Variants in SLC12A2 observed in about 807,000 individuals in gnomAD.
SLC12A2 encodes the protein Na-K-2Cl cotransporter 1.
In SLC12A2, 67 loss-of-function variants were observed where a neutral mutation model predicts 136.3. The observed-to-expected ratio is 0.49, with a 90% CI of 0.40 to 0.60. SLC12A2 has a LOEUF of 0.60. Among genes scored for constraint, SLC12A2 ranks in the 20% least tolerant of loss-of-function variants. SLC12A2 has a pLI of 0.00. For missense variants in SLC12A2, 1,322 were observed against 1,534.7 expected (o/e 0.86, Z 2.32); for synonymous variants, 619 against 562.9 (o/e 1.10, Z -1.41).
At chr5:128,160,834 GGTGTGTGTTTGTGTGTGTGTGT>G (rs886628283) in intron 16 of SLC12A2, among the ~76,000 whole-genome samples, 1 of 149,786 alleles carries the variant, frequency 6.7e-6, no homozygotes. Context: ...AAAGTCAAGG[GGTGTGTGTTTGTGTGTGTGTGT>G]GTGTGTGTGT....
chr5:128,097,236 G>C (rs1760578961), intron 1 of SLC12A2, among the ~76,000 whole-genome samples: 1 of 152,022 alleles, frequency 6.6e-6, no homozygotes, highest in African/African-American at 2.4e-5. Flanking sequence ...AAATAGGGAA[G>C]GTAACTTAAA....
At chr5:128,120,670 G>A (rs1004305317) in intron 4 of SLC12A2, among the ~76,000 whole-genome samples, 1 of 151,984 alleles carries the variant, frequency 6.6e-6, no homozygotes, top group East Asian at 1.9e-4. Context: ...GAGAACACAT[G>A]GACACAGGAA....
rs530877510 is a variant in SLC12A2, at chr5:128,134,340, A to G, written c.1299+65A>G. On this transcript the variant is annotated intron_variant, in intron 6 of 26. Transcript: ENST00000262461. ...AAACTTTTAGAGCTTATGTTTTGGG[A>G]ACACTCTGAAGTATGGTAATATTTC... 7.3e-4 allele frequency: 630 copies of G among 865,334 alleles called. 2 individuals carry two copies. The highest frequency in any genetic ancestry group is 1.0e-3 in the Non-Finnish European group (530 of 510,272). The allele number at this position is 865,334 out of a possible 1,614,324, so 53.6% of individuals were successfully genotyped here.
At chr5:128,179,964 T>C (rs1289587014) in intron 22 of SLC12A2, among the ~76,000 whole-genome samples, 1 of 104,974 alleles carries the variant, frequency 9.5e-6, no homozygotes, top group Non-Finnish European at 2.0e-5. Flanking sequence ...TTTTTTTTTT[T>C]TTTTTTTTTT....
chr5:128,100,063 C>A (rs1760692136), intron 1 of SLC12A2, among the ~76,000 whole-genome samples: 2 of 152,040 alleles, frequency 1.3e-5, no homozygotes, highest in African/African-American at 4.8e-5. Context: ...ATATTACTGT[C>A]AGCTTAGTAG....
intron 4 of SLC12A2, among the ~76,000 whole-genome samples, chr5:128,117,765 T>C (rs1463385597): frequency 6.6e-6 from 1 of 152,074 alleles, no homozygotes; most frequent in Non-Finnish European, 1.5e-5. Context: ...AAAGAAATAA[T>C]CAGCCAGAGT....
chr5:128,167,543 GTTTTAT>G (rs1763240860), intron 17 of SLC12A2, among the ~76,000 whole-genome samples: 1 of 151,878 alleles, frequency 6.6e-6, no homozygotes, highest in African/African-American at 2.4e-5. Context: ...TTTTTCAAGT[GTTTTAT>G]TTTTAAATTA....
chr5:128,177,908 C>G (rs576388901), intron 21 of SLC12A2, among the ~76,000 whole-genome samples: 1 of 152,276 alleles, frequency 6.6e-6, no homozygotes, highest in East Asian at 1.9e-4. Flanking sequence ...CTCAGACCTG[C>G]AGCAGATGGG....
chr5:128,169,382 G>C (rs1280462406), intron 18 of SLC12A2: 2 of 152,012 alleles, frequency 1.3e-5, no homozygotes, highest in Non-Finnish European at 2.9e-5. Flanking sequence ...ACATATATTT[G>C]CCTGTCTCAC....
At chr5:128,097,535 C>T (rs1760588877) in intron 1 of SLC12A2, among the ~76,000 whole-genome samples, 1 of 151,870 alleles carries the variant, frequency 6.6e-6, no homozygotes, top group Admixed American at 6.6e-5. Context: ...ATTATTCTTT[C>T]CTGCCATTTT....
At position 128,151,223 on chromosome 5, in the gene SLC12A2, T is replaced by C. The variant is rs778908705; in HGVS notation, c.2108-18T>C. 6.3e-7 allele frequency: 1 copy of C among 1,593,974 alleles called. No individual in the cohort carries two copies. The highest frequency in any genetic ancestry group is 8.5e-7 in the Non-Finnish European group (1 of 1,170,988). Reference sequence around the variant, plus strand: ...AGATGAGGTATTTGTGTGACTTTTATTTATTTGTTATTGTTAGGATGGCGT... The same window carrying C: ...AGATGAGGTATTTGTGTGACTTTTACTTATTTGTTATTGTTAGGATGGCGT... On this transcript the variant is annotated intron_variant, in intron 13 of 26. Transcript: ENST00000262461.
chr5:128,092,599 C>T (rs1019678399), intron 1 of SLC12A2, among the ~76,000 whole-genome samples: 1 of 152,118 alleles, frequency 6.6e-6, no homozygotes, highest in African/African-American at 2.4e-5. Flanking sequence ...GTGTCTAAAA[C>T]ATTCATTGCA....
chr5:128,094,248 T>G (rs1191287084), intron 1 of SLC12A2, among the ~76,000 whole-genome samples: 1 of 150,692 alleles, frequency 6.6e-6, no homozygotes, highest in Non-Finnish European at 1.5e-5. Context: ...CCTGACACAG[T>G]AGACCCTCAA....
chr5:128,086,363 T>TGTTA (rs368958775), intron 1 of SLC12A2, among the ~76,000 whole-genome samples: 86 of 152,346 alleles, frequency 5.6e-4, no homozygotes, highest in African/African-American at 2.0e-3. Flanking sequence ...ACACCTGTAC[T>TGTTA]GTTAGTTGTA....
chr5:128,088,396 G>A (rs181937612), intron 1 of SLC12A2, among the ~76,000 whole-genome samples: 51 of 152,204 alleles, frequency 3.4e-4, no homozygotes, highest in Middle Eastern at 3.4e-3. Flanking sequence ...GGCCCTACAA[G>A]AAGAAATAAA....
intron 1 of SLC12A2, among the ~76,000 whole-genome samples, chr5:128,093,422 T>C (rs1284068861): frequency 6.6e-6 from 1 of 152,170 alleles, no homozygotes; most frequent in Non-Finnish European, 1.5e-5. Context: ...CTCTGAGTTC[T>C]GGGTATCCAA....
At position 128,133,718 on chromosome 5, in the gene SLC12A2, G is replaced by T. The variant is rs40816; in HGVS notation, c.1189-447G>T. Among the ~76,000 whole-genome samples, 258 of 152,142 alleles carry T rather than the reference G, an allele frequency of 1.7e-3. 5 individuals are homozygous for T. The East Asian group carries it at 0.04, about 24-fold the overall frequency. On this transcript the variant is annotated intron_variant, in intron 5 of 26. Transcript: ENST00000262461. ...AACTACAAATAATTTTGTTTGCAGA[G>T]TGGAAACAGTGTGTTTTTGGACAGC...
At chr5:128,171,131 A>T (rs927834695) in intron 18 of SLC12A2, 1 of 152,626 alleles carries the variant, frequency 6.6e-6, no homozygotes, top group African/African-American at 2.4e-5. Flanking sequence ...AGAGGTAAAT[A>T]TATATTTTCA....
Position 128,084,270 on chromosome 5 carries a change from G to C in SLC12A2, c.316G>C (p.Ala106Pro). 1 of 1,294,596 alleles carries C rather than the reference G, an allele frequency of 7.7e-7. No individual in the cohort carries two copies. Among genetic ancestry groups the C allele is most frequent in the South Asian group, 3.0e-5 (1 of 33,734 alleles). The allele number at this position is 1,294,596 out of a possible 1,614,324, so 80.2% of individuals were successfully genotyped here. Residue 106 changes from alanine to proline, a missense_variant, in exon 1 of 27, where the codon GCG (alanine) becomes CCG (proline). This residue lies in a region of SLC12A2 where 358 missense variants were observed against 299.7 expected (regional missense o/e 1.19). Transcript: ENST00000262461. This position sits in a 1 kb window ranked among gnomAD's most constrained non-coding sequence, Gnocchi z 5.6. The stretch of plus-strand genomic sequence containing the variant: ...GGCGGCGGCGGCGGCGGCAGCGGCG[G>C]CGGCTGGTGCTGGGGCGGGGGCCAA... ...AAAAAAAAAA[A>P]AGAGAGAKQT...
Sources: gnomAD v4.1 joint callset for allele counts (sites outside exome capture counted in the v4.1 genomes callset) on GRCh38, gnomAD v4.1.1 for gene constraint, gnomAD v4.1.1 regional missense constraint, Gnocchi (gnomAD v3.1) non-coding constraint, MANE v1.5 for transcripts, NCBI Gene and HGNC (gene_info 2026-07-23, HGNC 2026-07-21) for gene names.